ARHGEF6: variants seen among roughly 807,000 people sequenced by gnomAD.
ARHGEF6 encodes the protein Rac/Cdc42 guanine nucleotide exchange factor 6, also known as rho guanine nucleotide exchange factor 6.
Under a neutral mutation model 70.3 loss-of-function variants are expected in ARHGEF6, and 9 were observed. That is an observed-to-expected ratio of 0.13 (90% CI 0.08 to 0.22). The LOEUF is 0.22. Among genes scored for constraint, ARHGEF6 ranks in the 10% least tolerant of loss-of-function variants. The pLI, the probability that ARHGEF6 is intolerant of heterozygous loss-of-function variation, is 1.00. For missense variants in ARHGEF6, 470 were observed against 563.0 expected, an observed-to-expected ratio of 0.83 and a Z score of 1.67; for synonymous variants, 201 against 207.8, an observed-to-expected ratio of 0.97 and a Z score of 0.28.
chrX:136,767,265 G>A (rs1382248277), intron 2 of ARHGEF6: 2 of 753,686 alleles, frequency 2.7e-6, no homozygotes, highest in African/African-American at 4.6e-5. Context: ...GGGCAAGCCT[G>A]TGCCAAGGCT....
chrX:136,686,594 GTATATATATATATATATATATA>G (rs770923374), intron 11 of ARHGEF6, among the ~76,000 whole-genome samples: 1 of 57,146 alleles, frequency 1.7e-5, no homozygotes, highest in Non-Finnish European at 3.1e-5. Context: ...GTATGTGTGT[GTATATATATATATATATATATA>G]TATATACACA....
At chrX:136,741,124 G>A (rs2077037428) in intron 5 of ARHGEF6, among the ~76,000 whole-genome samples, 1 of 111,400 alleles carries the variant, frequency 9.0e-6, no homozygotes, top group Admixed American at 9.5e-5. Context: ...ATAGAACACA[G>A]AAAAGTGTGA....
intron 6 of ARHGEF6, among the ~76,000 whole-genome samples, chrX:136,718,704 G>A (rs1229171936): frequency 9.0e-6 from 1 of 111,209 alleles, no homozygotes; most frequent in Non-Finnish European, 1.9e-5. Flanking sequence ...ATGATATTGT[G>A]TTTTTCAAAC....
At chrX:136,701,392 C>T (rs750009898) in intron 9 of ARHGEF6, among the ~76,000 whole-genome samples, 2 of 111,740 alleles carry the variant, frequency 1.8e-5, no homozygotes, top group African/African-American at 6.5e-5. Flanking sequence ...GGAAAAACAC[C>T]TTACCTGTAG....
chrX:136,777,241 C>T (rs1402648351), intron 2 of ARHGEF6, among the ~76,000 whole-genome samples: 1 of 110,872 alleles, frequency 9.0e-6, no homozygotes, highest in Non-Finnish European at 1.9e-5. Context: ...CAAAACAAAA[C>T]AAAAACAAAA....
At chrX:136,688,660 A>T (rs1433560140) in intron 10 of ARHGEF6, among the ~76,000 whole-genome samples, 1 of 111,179 alleles carries the variant, frequency 9.0e-6, no homozygotes, top group African/African-American at 3.3e-5. Context: ...CCTGTCTCAA[A>T]ACAAACAAAC....
At chrX:136,777,152 G>C (rs1198510160) in intron 2 of ARHGEF6, among the ~76,000 whole-genome samples, 2 of 111,168 alleles carry the variant, frequency 1.8e-5, no homozygotes, top group Non-Finnish European at 3.8e-5. Context: ...TGGAACCAGG[G>C]AGGTAGAGGT....
chrX:136,753,279 G>A (rs1336575243), intron 2 of ARHGEF6, among the ~76,000 whole-genome samples: 2 of 112,138 alleles, frequency 1.8e-5, no homozygotes, highest in African/African-American at 6.5e-5. Context: ...GCCTGTAGCT[G>A]AAACAACATA....
intron 19 of ARHGEF6, among the ~76,000 whole-genome samples, chrX:136,674,787 A>G (rs5974614): frequency 0.082 from 9,123 of 111,367 alleles, 923 homozygotes; most frequent in African/African-American, 0.28. Context: ...TTACTCTTGC[A>G]TCTCTCTTTC....
intron 2 of ARHGEF6, among the ~76,000 whole-genome samples, chrX:136,778,060 C>T (rs1207387360): frequency 9.0e-6 from 1 of 111,469 alleles, no homozygotes; most frequent in Admixed American, 9.5e-5. Context: ...GTGATGGATG[C>T]ACCAAAATCT....
chrX:136,719,481 T>TA (rs1435903773), intron 6 of ARHGEF6, among the ~76,000 whole-genome samples: 6 of 111,640 alleles, frequency 5.4e-5, no homozygotes, highest in African/African-American at 1.9e-4. Flanking sequence ...AGAAGAACAT[T>TA]AAAATGTGCG....
At chrX:136,688,052 G>A in intron 10 of ARHGEF6, 61 bp from the exon 11 acceptor site, 1 of 917,189 alleles carries the variant, frequency 1.1e-6, no homozygotes, top group Non-Finnish European at 1.6e-6. Flanking sequence ...GTTGCCAAGG[G>A]TTAGGGGTAG....
intron 11 of ARHGEF6, among the ~76,000 whole-genome samples, chrX:136,686,962 T>C (rs1603337163): frequency 9.2e-6 from 1 of 108,491 alleles, no homozygotes; most frequent in East Asian, 2.9e-4. Flanking sequence ...GCACCTATAG[T>C]AGGAATAAAT....
intron 18 of ARHGEF6, among the ~76,000 whole-genome samples, chrX:136,675,665 G>A (rs1036441596): frequency 6.4e-4 from 70 of 109,843 alleles, no homozygotes; most frequent in Admixed American, 1.5e-3. Context: ...ACAGGCACCC[G>A]CCACCACACC....
In ARHGEF6 at chrX:136,730,023, G is replaced by A. The variant is rs144196682; in HGVS notation, c.732+2079C>T. On this transcript the variant is annotated intron_variant, in intron 6 of 21. Transcript: ENST00000250617. ...TTAATAGTGATTATTTCTAAGTGGT[G>A]GGATTACATGTGGTGTTTATTTTCT... Among the ~76,000 whole-genome samples the A allele has an allele frequency of 4.2e-3, 466 of 110,090 alleles. 1 individual carries two copies. The highest frequency in any genetic ancestry group is 0.014 in the African/African-American group (433 of 30,223).
chrX:136,769,422 AAAAT>A (rs1003307201), intron 2 of ARHGEF6, among the ~76,000 whole-genome samples: 1 of 111,368 alleles, frequency 9.0e-6, no homozygotes, highest in Non-Finnish European at 1.9e-5. Context: ...AAAATAAATA[AAAAT>A]AAATAAATAA....
At chrX:136,744,206 A>C (rs2077072866) in intron 4 of ARHGEF6, among the ~76,000 whole-genome samples, 1 of 111,784 alleles carries the variant, frequency 8.9e-6, no homozygotes, top group Non-Finnish European at 1.9e-5. Context: ...CCTCCATAAA[A>C]TCTGCCTCCC....
At chrX:136,740,944 C>A (rs1289668004) in intron 5 of ARHGEF6, among the ~76,000 whole-genome samples, 9 of 111,993 alleles carry the variant, frequency 8.0e-5, no homozygotes, top group African/African-American at 2.9e-4. Context: ...CTGTGAATAT[C>A]ATCAAAACCA....
chrX:136,678,222 C>T (rs1002776871), intron 16 of ARHGEF6, among the ~76,000 whole-genome samples: 2 of 111,606 alleles, frequency 1.8e-5, no homozygotes, highest in Admixed American at 1.9e-4. Flanking sequence ...ATTAATAACT[C>T]TCTTCCCCCA....
Sources: allele counts gnomAD v4.1 joint callset (sites outside exome capture counted in the v4.1 genomes callset), GRCh38; gene constraint gnomAD v4.1.1; transcripts MANE v1.5; gene names NCBI Gene and HGNC (gene_info 2026-07-23, HGNC 2026-07-21).